CAPN14: variants seen among roughly 807,000 people sequenced by gnomAD.
CAPN14 encodes the protein calpain 14, also known as calpain-14.
In CAPN14, 94 loss-of-function variants were observed where a neutral mutation model predicts 101.3. The observed-to-expected ratio is 0.93, with a 90% CI of 0.79 to 1.10. The LOEUF is 1.10. CAPN14 is among the 50% of genes least tolerant of loss of function. The pLI, the probability that CAPN14 is intolerant of heterozygous loss-of-function variation, is 0.00. For missense variants in CAPN14, 837 were observed against 828.4 expected (o/e 1.01, Z -0.13); for synonymous variants, 338 against 317.9 (o/e 1.06, Z -0.67).
intron 16 of CAPN14, among the ~76,000 whole-genome samples, chr2:31,183,630 C>T (rs1389801001): frequency 6.6e-6 from 1 of 152,104 alleles, no homozygotes; most frequent in African/African-American, 2.4e-5. Context: ...ATCAAAACCA[C>T]AATGAGATAT....
chr2:31,187,639 A>G (rs1680967704), intron 15 of CAPN14, 119 bp downstream of exon 15: 5 of 812,244 alleles, frequency 6.2e-6, no homozygotes, highest in South Asian at 3.9e-5. Context: ...GGCAATAGGT[A>G]GCCTTAAATC....
At position 31,203,103 on chromosome 2, in the gene CAPN14, C is replaced by T. The variant is rs1217028364; in HGVS notation, c.262G>A (p.Ala88Thr). 1.3e-6 allele frequency: 2 copies of T among 1,551,484 alleles called. No individual in the cohort carries two copies. The highest frequency in any genetic ancestry group is 8.7e-7 in the Non-Finnish European group (1 of 1,146,976). Residue 88 changes from alanine (A) to threonine (T), a missense_variant, in exon 3 of 22, where the codon GCC (alanine) becomes ACC (threonine). Coordinates refer to ENST00000403897, the MANE Select transcript of CAPN14 (RefSeq NM_001145122.2). ...CCCTGGCACAGATCCAGCCTTTTGG[C>T]CTTGGCAAAATAAAACTGGGGATTG... ...HSNPQFYFAK[A>T]KRLDLCQGIV...
At chr2:31,227,899 G>A (rs754731) in intron 1 of CAPN14, among the ~76,000 whole-genome samples, 38,439 of 152,120 alleles carry the variant, frequency 0.25, 5,130 homozygotes, top group East Asian at 0.46. Context: ...TTGGAAGTGG[G>A]GAGAGGGGCA....
rs541844161 is a variant in CAPN14, at chr2:31,188,330, G to A, written c.1518C>T (p.Val506=). The change falls in exon 14 of 22, where the codon GTC becomes GTT. Residue 506 remains valine (V), a synonymous_variant. Coordinates refer to ENST00000403897, the MANE Select transcript of CAPN14 (RefSeq NM_001145122.2). ...IFYEIGSNSG[V]VFSKEIEDQN... The stretch of plus-strand genomic sequence containing the variant: ...CCAGACTACTCACCTTTGAGAAGAC[G>A]ACACCAGAATTGCTGCCAATTTCAC... 61 of 1,551,496 alleles carry A rather than the reference G, an allele frequency of 3.9e-5. No individual in the cohort carries two copies. In the African/African-American group the frequency reaches 5.9e-4, roughly 15 times the overall value.
intron 12 of CAPN14, 47 bp from the exon 13 acceptor site, chr2:31,189,525 G>T (rs1030338154): frequency 6.8e-7 from 1 of 1,472,404 alleles, no homozygotes; most frequent in Non-Finnish European, 9.2e-7. Context: ...ATGACCCAGG[G>T]CTGTGGCCAG....
In CAPN14 at chr2:31,193,301, A is replaced by G. The variant is rs1274639954; in HGVS notation, c.951-7T>C. The G allele has an allele frequency of 2.6e-6, 4 of 1,551,336 alleles. No individual in the cohort carries two copies. The highest frequency in any genetic ancestry group is 1.7e-6 in the Non-Finnish European group (2 of 1,146,848). On this transcript the variant is annotated splice_region_variant and splice_polypyrimidine_tract_variant and intron_variant, in intron 9 of 21. Coordinates refer to ENST00000403897, the MANE Select transcript of CAPN14 (RefSeq NM_001145122.2). ...AAAGTCCTGCAGCGTCATCCTGTGG[A>G]GAGAAGAAGGAAAAGCACAAAGAGA...
rs1037395377 is a variant in CAPN14 at position 31,205,452 on chromosome 2, G to C, written c.-5C>G. 11 of 1,550,932 alleles carry C rather than the reference G, an allele frequency of 7.1e-6. No homozygotes were observed. In the Admixed American group the frequency reaches 2.2e-4, roughly 30 times the overall value. Reference sequence around the variant, plus strand: ...GAAAGGTGGCCACAGAGACATGGCAGGTGGTGGGTACAGTCCAGTGAGTCT... The same window carrying C: ...GAAAGGTGGCCACAGAGACATGGCACGTGGTGGGTACAGTCCAGTGAGTCT... On this transcript the variant is annotated 5_prime_UTR_variant, in exon 2 of 22. Coordinates refer to ENST00000403897, the MANE Select transcript of CAPN14 (RefSeq NM_001145122.2).
chr2:31,201,681 A>C (rs544741342), intron 5 of CAPN14, among the ~76,000 whole-genome samples, 181 bp downstream of exon 5: 69 of 152,302 alleles, frequency 4.5e-4, no homozygotes, highest in African/African-American at 1.6e-3. Flanking sequence ...AAACTCTTGA[A>C]TGCAGGTTTA....
upstream of CAPN14, among the ~76,000 whole-genome samples, chr2:31,219,454 C>T (rs980101957): frequency 2.0e-5 from 3 of 152,204 alleles, no homozygotes; most frequent in African/African-American, 7.2e-5. Flanking sequence ...AAGGCACAGG[C>T]AATCCTGACC....
intron 10 of CAPN14, among the ~76,000 whole-genome samples, 179 bp from the exon 11 acceptor site, chr2:31,192,277 C>T (rs568211801): frequency 6.6e-6 from 1 of 152,298 alleles, no homozygotes; most frequent in Admixed American, 6.5e-5. Flanking sequence ...CTTGCTCTTC[C>T]ACCTGGAGGT....
At chr2:31,206,943 T>C (rs765604763) in intron 1 of CAPN14, among the ~76,000 whole-genome samples, 2 of 152,156 alleles carry the variant, frequency 1.3e-5, no homozygotes, top group Non-Finnish European at 2.9e-5. Flanking sequence ...CTCATGGCTC[T>C]TACAGTTTAG....
chr2:31,230,366 C>T lies in CAPN14; in HGVS notation c.-177+3425G>A, dbSNP rs1037343063. Reference sequence around the variant, plus strand: ...CATGTGCAAGAGTTTCTCTAGATCACGCCTTGAAATAGAATGGAAGGAGAT... The same window carrying T: ...CATGTGCAAGAGTTTCTCTAGATCATGCCTTGAAATAGAATGGAAGGAGAT... On this transcript the variant is annotated intron_variant and NMD_transcript_variant, in intron 1 of 21. Transcript: ENST00000398824. The surrounding 1 kb of genome is among the most constrained non-coding windows in gnomAD (Gnocchi z 4.3). 1.4e-4 allele frequency among the ~76,000 whole-genome samples: 22 copies of T among 152,188 alleles called. No homozygotes were observed. The highest frequency in any genetic ancestry group is 5.8e-4 in the East Asian group (3 of 5,202).
chr2:31,221,052 G>A (rs185630636), upstream of CAPN14, among the ~76,000 whole-genome samples: 17 of 152,164 alleles, frequency 1.1e-4, 1 homozygote, highest in Admixed American at 7.9e-4. Context: ...AAAAGTCATC[G>A]CCAAGGTTTC....
At chr2:31,214,232 A>G (rs1682533498) in intron 1 of CAPN14, among the ~76,000 whole-genome samples, 1 of 152,216 alleles carries the variant, frequency 6.6e-6, no homozygotes, top group South Asian at 2.1e-4. Flanking sequence ...GAAAATGTAA[A>G]GAACAATAAA....
chr2:31,177,906 C>A, intron 18 of CAPN14, 85 bp from the exon 19 acceptor site: 2 of 930,652 alleles, frequency 2.1e-6, no homozygotes, highest in Non-Finnish European at 1.7e-6. Context: ...GTCAGCACCG[C>A]AGAGGGGCTG....
At chr2:31,191,477 C>T in intron 11 of CAPN14, 70 bp from the exon 12 acceptor site, 1 of 1,469,460 alleles carries the variant, frequency 6.8e-7, no homozygotes, top group Non-Finnish European at 9.1e-7. Context: ...AGCAGGGAAT[C>T]TGGCTCTTTC....
upstream of CAPN14, among the ~76,000 whole-genome samples, chr2:31,221,353 A>C (rs1558639182): frequency 6.6e-6 from 1 of 152,196 alleles, no homozygotes. Flanking sequence ...GAGGCAAGGC[A>C]GGTACAGTGC....
intron 1 of CAPN14, among the ~76,000 whole-genome samples, chr2:31,207,416 A>C (rs1182632049): frequency 6.6e-6 from 1 of 152,240 alleles, no homozygotes; most frequent in African/African-American, 2.4e-5. Flanking sequence ...AAATTTAATG[A>C]AAATGAATAA....
At position 31,205,250 on chromosome 2, in the gene CAPN14, T is replaced by C; in HGVS notation, c.198A>G (p.Pro66=). Reference sequence around the variant, plus strand: ...GGGGCCTCTTCCACTGCAGGCGGGGTGGCAGCTTCTGCAGCAGGGAGCCAC... The same window carrying C: ...GGGGCCTCTTCCACTGCAGGCGGGGCGGCAGCTTCTGCAGCAGGGAGCCAC... ...IGSGSLLQKL[P]PRLQWKRPPE... is the part of the protein sequence containing the mutation. The change falls in exon 2 of 22, where the codon CCA becomes CCG. Residue 66 remains proline (P), a synonymous_variant. Coordinates refer to ENST00000403897, the MANE Select transcript of CAPN14 (RefSeq NM_001145122.2). The C allele has an allele frequency of 6.5e-7, 1 of 1,549,162 alleles. No homozygotes were observed. Among genetic ancestry groups the C allele is most frequent in the South Asian group, 1.2e-5 (1 of 83,928 alleles).
Sources: gnomAD v4.1 joint callset for allele counts (sites outside exome capture counted in the v4.1 genomes callset) on GRCh38, gnomAD v4.1.1 for gene constraint, Gnocchi (gnomAD v3.1) non-coding constraint, MANE v1.5 for transcripts, NCBI Gene and HGNC (gene_info 2026-07-23, HGNC 2026-07-21) for gene names.